The following AGBL1 variants were observed in gnomAD, a reference collection of about 807,000 sequenced individuals.
The protein encoded by AGBL1 is cytosolic carboxypeptidase 4.
In AGBL1, 130 loss-of-function variants were observed where a neutral mutation model predicts 118.9. That is an observed-to-expected ratio of 1.09 (90% CI 0.95 to 1.26). The LOEUF is 1.26. Ranked by LOEUF, AGBL1 falls within the 50% of genes most tolerant of loss-of-function variation. The pLI, the probability that AGBL1 is intolerant of heterozygous loss-of-function variation, is 0.00. For missense variants in AGBL1, 1,584 were observed against 1,298.1 expected, an observed-to-expected ratio of 1.22 and a Z score of -3.38; for synonymous variants, 555 against 478.9, an observed-to-expected ratio of 1.16 and a Z score of -2.08.
chr15:86,589,023 A>G (rs1009133218), intron 21 of AGBL1, among the ~76,000 whole-genome samples: 4 of 152,092 alleles, frequency 2.6e-5, no homozygotes, highest in African/African-American at 7.2e-5. Flanking sequence ...TCATATATAT[A>G]TATATGTATA....
At chr15:86,465,647 G>C (rs1189249364) in intron 18 of AGBL1, among the ~76,000 whole-genome samples, 1 of 152,216 alleles carries the variant, frequency 6.6e-6, no homozygotes, top group Non-Finnish European at 1.5e-5. Context: ...TGCAGTTGTA[G>C]ATAAGGGATG....
At position 86,246,142 on chromosome 15, in the gene AGBL1, C is replaced by A. The variant is rs575815234; in HGVS notation, c.527-1529C>A. Among the ~76,000 whole-genome samples, 103 of 152,318 alleles carry A rather than the reference C, an allele frequency of 6.8e-4. 1 individual carries two copies. Among genetic ancestry groups the A allele is most frequent in the Admixed American group, 5.9e-4 (9 of 15,310 alleles). ...TCAAGCCGTCCTCCTGCCTCAGGCCCCCACAGTGCTGGCATTACAGGTGTG... is the reference window on the plus strand; with the variant it reads ...TCAAGCCGTCCTCCTGCCTCAGGCCACCACAGTGCTGGCATTACAGGTGTG... On this transcript the variant is annotated intron_variant, in intron 6 of 22. Transcript: ENST00000614907.
chr15:86,982,831 AGTT>A (rs897114878), intron 23 of AGBL1, among the ~76,000 whole-genome samples: 3 of 152,190 alleles, frequency 2.0e-5, no homozygotes, highest in Non-Finnish European at 2.9e-5. Context: ...GGCTATGAGT[AGTT>A]AAGTTTCTGA....
chr15:86,348,222 G>A (rs919762121), intron 17 of AGBL1, among the ~76,000 whole-genome samples: 5 of 152,162 alleles, frequency 3.3e-5, no homozygotes, highest in Non-Finnish European at 7.3e-5. Context: ...AAAATAAAAG[G>A]AGGAAATAAA....
chr15:86,949,239 C>T lies in AGBL1; in HGVS notation c.3222-38748C>T, dbSNP rs1193277893. On this transcript the variant is annotated intron_variant, in intron 23 of 24. Transcript: ENST00000441037. ...AACAGATTGCAGCAGACCCATGTTC[C>T]TATTAGGAAAAACTTACAAAATCAA... 4.6e-5 allele frequency among the ~76,000 whole-genome samples: 7 copies of T among 152,056 alleles called. No homozygotes were observed. The South Asian group carries it at 6.2e-4, about 13-fold the overall frequency.
At chr15:86,083,365 T>C (rs1895419798) in intron 1 of AGBL1, 1 of 152,198 alleles carries the variant, frequency 6.6e-6, no homozygotes, top group South Asian at 2.1e-4. Flanking sequence ...GTACGTTTAT[T>C]GAAACATGAA....
At chr15:86,721,691 A>T (rs1756222507) in intron 22 of AGBL1, among the ~76,000 whole-genome samples, 1 of 152,212 alleles carries the variant, frequency 6.6e-6, no homozygotes, top group African/African-American at 2.4e-5. Flanking sequence ...AAAGATATTC[A>T]ATTAGGAAAA....
At chr15:86,415,241 A>G (rs2081675449) in intron 18 of AGBL1, among the ~76,000 whole-genome samples, 2 of 152,156 alleles carry the variant, frequency 1.3e-5, no homozygotes, top group Non-Finnish European at 2.9e-5. Context: ...ATACAACCCC[A>G]GGGAAAGAAG....
chr15:86,489,349 C>T lies in AGBL1; in HGVS notation c.2556-33461C>T, dbSNP rs114531279. On this transcript the variant is annotated intron_variant, in intron 18 of 22. Transcript: ENST00000614907. ...TGTCAAATCTGTTTGGATCTGCTTG[C>T]GCTAATGATAGTGCCCTATATTTGT... Among the ~76,000 whole-genome samples the T allele has an allele frequency of 2.8e-3, 428 of 152,202 alleles. 3 individuals are homozygous for T. The highest frequency in any genetic ancestry group is 1.0e-2 in the African/African-American group (414 of 41,546).
chr15:86,487,284 G>C lies in AGBL1; in HGVS notation c.2556-35526G>C, dbSNP rs190090843. ...TTCTCTCTTCCTATTGTAACTCTTT[G>C]CTTGAAAAAGGAGCTTCATCCTCCA... is the stretch of plus-strand genomic sequence containing the variant. On this transcript the variant is annotated intron_variant, in intron 18 of 22. Coordinates refer to ENST00000614907, the MANE Select transcript of AGBL1 (RefSeq NM_001386094.1). 2.0e-5 allele frequency among the ~76,000 whole-genome samples: 3 copies of C among 152,148 alleles called. No individual in the cohort carries two copies. The East Asian group carries it at 5.8e-4, about 30-fold the overall frequency.
At chr15:86,863,536 G>C (rs1001026435) in intron 22 of AGBL1, among the ~76,000 whole-genome samples, 2 of 126,870 alleles carry the variant, frequency 1.6e-5, no homozygotes, top group African/African-American at 2.9e-5. Context: ...GTTTTCTTTG[G>C]AAAAAAAAAA....
intron 1 of AGBL1, among the ~76,000 whole-genome samples, chr15:86,129,925 C>A (rs1046726477): frequency 6.6e-6 from 1 of 152,062 alleles, no homozygotes; most frequent in East Asian, 1.9e-4. Flanking sequence ...GCTGGGATAC[C>A]TTTACACCCC....
At chr15:86,835,465 C>A (rs868401809) in intron 22 of AGBL1, among the ~76,000 whole-genome samples, 2 of 152,174 alleles carry the variant, frequency 1.3e-5, no homozygotes, top group Middle Eastern at 6.8e-3. Context: ...AAGGCTGTTG[C>A]CTTCTAGCGT....
intron 1 of AGBL1, among the ~76,000 whole-genome samples, chr15:86,088,534 G>A (rs1381174955): frequency 6.6e-6 from 1 of 152,102 alleles, no homozygotes; most frequent in Non-Finnish European, 1.5e-5. Flanking sequence ...GTGTGATGGG[G>A]GACTATTATG....
chr15:86,744,569 G>C (rs1178842873), intron 22 of AGBL1, among the ~76,000 whole-genome samples: 2 of 152,250 alleles, frequency 1.3e-5, no homozygotes, highest in South Asian at 2.1e-4. Context: ...CGAAAGCAAA[G>C]GGCAGAGGCA....
intron 22 of AGBL1, among the ~76,000 whole-genome samples, chr15:86,873,936 G>A (rs1185156654): frequency 1.3e-5 from 2 of 152,096 alleles, no homozygotes; most frequent in Non-Finnish European, 2.9e-5. Context: ...AAGAACAGTG[G>A]ACTTGGAGGC....
chr15:86,217,921 C>G (rs979546676), intron 5 of AGBL1, among the ~76,000 whole-genome samples: 7 of 152,116 alleles, frequency 4.6e-5, no homozygotes, highest in African/African-American at 1.7e-4. Flanking sequence ...TTGAGAAGAC[C>G]ACTCTAGTTG....
intron 18 of AGBL1, among the ~76,000 whole-genome samples, chr15:86,476,220 A>G (rs1246345071): frequency 6.6e-6 from 1 of 152,234 alleles, no homozygotes; most frequent in African/African-American, 2.4e-5. Context: ...GATCAAATTC[A>G]CACCTAACAA....
At chr15:86,539,348 A>G (rs145316472) in intron 19 of AGBL1, among the ~76,000 whole-genome samples, 1,689 of 152,244 alleles carry the variant, frequency 0.011, 11 homozygotes, top group Non-Finnish European at 0.018. Context: ...ACTCCTGTAG[A>G]TTTTACTTCT....
Sources: allele counts gnomAD v4.1 joint callset (sites outside exome capture counted in the v4.1 genomes callset), GRCh38; gene constraint gnomAD v4.1.1; transcripts MANE v1.5; gene names NCBI Gene and HGNC (gene_info 2026-07-23, HGNC 2026-07-21).